The following BCLAF3 variants were observed in gnomAD, a reference collection of about 807,000 sequenced individuals.
BCLAF3 encodes transient octamer binding factor 1.
BCLAF3 carries 24 observed loss-of-function variants against 51.2 expected under a neutral mutation model. The ratio of observed to expected loss-of-function variants is 0.47; its 90% CI spans 0.34 to 0.66. The LOEUF (loss-of-function observed/expected upper bound fraction) is 0.66, where lower values mean the gene tolerates loss of function less well. Ranked by LOEUF, BCLAF3 falls within the 30% of genes least tolerant of loss-of-function variation. The probability of loss-of-function intolerance (pLI) is 0.01; values close to 1 mark genes in which losing one functional copy is unlikely to be tolerated. For synonymous variants in BCLAF3, 152 were observed against 176.6 expected, an observed-to-expected ratio of 0.86 and a Z score of 1.10; for missense variants, 465 against 525.1, an observed-to-expected ratio of 0.89 and a Z score of 1.12.
At chrX:19,977,050 C>T (rs2072448348) in intron 1 of BCLAF3, among the ~76,000 whole-genome samples, 2 of 111,422 alleles carry the variant, frequency 1.8e-5, no homozygotes, top group South Asian at 7.5e-4. Context: ...TGAACCATGC[C>T]CTTATAAGAT....
At chrX:19,978,126 T>C (rs1468521888) in intron 1 of BCLAF3, among the ~76,000 whole-genome samples, 1 of 112,439 alleles carries the variant, frequency 8.9e-6, no homozygotes, top group Non-Finnish European at 1.9e-5. Flanking sequence ...TTTTTGTGCC[T>C]GCTAACACAG....
intron 11 of BCLAF3, among the ~76,000 whole-genome samples, chrX:19,923,846 T>A (rs768333407): frequency 1.1e-4 from 7 of 65,547 alleles, no homozygotes; most frequent in Admixed American, 1.4e-4. Flanking sequence ...TATTTATTTA[T>A]TTTTTTTTTT....
intron 4 of BCLAF3, among the ~76,000 whole-genome samples, chrX:19,959,201 C>T (rs1310628551): frequency 8.9e-6 from 1 of 112,040 alleles, no homozygotes; most frequent in Admixed American, 9.5e-5. Context: ...TCTGCATACA[C>T]CAGCCTTTGA....
At chrX:19,927,896 T>A (rs941636790) in intron 11 of BCLAF3, among the ~76,000 whole-genome samples, 2 of 107,823 alleles carry the variant, frequency 1.9e-5, no homozygotes, top group African/African-American at 3.4e-5. Context: ...TTTTTTTTTT[T>A]AATAGGTCTC....
chrX:19,973,003 G>T (rs1029936287), intron 1 of BCLAF3, among the ~76,000 whole-genome samples: 2 of 111,957 alleles, frequency 1.8e-5, no homozygotes, highest in Non-Finnish European at 3.8e-5. Flanking sequence ...CCTAGAAGTG[G>T]AATTACTGGG....
At chrX:19,982,579 A>G (rs867402191) in intron 1 of BCLAF3, among the ~76,000 whole-genome samples, 2 of 94,160 alleles carry the variant, frequency 2.1e-5, no homozygotes, top group African/African-American at 1.1e-4. Flanking sequence ...ACACACACAC[A>G]CACACGCACA....
intron 11 of BCLAF3, among the ~76,000 whole-genome samples, chrX:19,920,677 C>T (rs1040397985): frequency 5.5e-5 from 6 of 109,903 alleles, no homozygotes; most frequent in African/African-American, 2.0e-4. Context: ...AAAAATTAGC[C>T]GGATGTGGTG....
At chrX:19,963,885 T>C (rs2147948108) in intron 4 of BCLAF3, among the ~76,000 whole-genome samples, 1 of 110,441 alleles carries the variant, frequency 9.1e-6, no homozygotes, top group South Asian at 3.9e-4. Flanking sequence ...CATGGTGGCA[T>C]GCACCTATAG....
intron 2 of BCLAF3, among the ~76,000 whole-genome samples, chrX:19,967,415 G>A (rs1188898216): frequency 9.0e-6 from 1 of 111,692 alleles, no homozygotes. Flanking sequence ...TAACTTCGGT[G>A]AAGTTATACT....
chrX:19,945,922 C>T (rs1386972252), intron 8 of BCLAF3, among the ~76,000 whole-genome samples: 3 of 107,631 alleles, frequency 2.8e-5, no homozygotes, highest in African/African-American at 7.0e-5. Flanking sequence ...TAGCAATCAG[C>T]GAGATTCCGT....
intron 8 of BCLAF3, among the ~76,000 whole-genome samples, chrX:19,940,005 T>C (rs2147808554): frequency 8.9e-6 from 1 of 112,201 alleles, no homozygotes; most frequent in South Asian, 3.6e-4. Context: ...AAGTAGATAG[T>C]GGTGGTGATT....
intron 11 of BCLAF3, among the ~76,000 whole-genome samples, chrX:19,928,349 G>A (rs201628421): frequency 9.1e-6 from 1 of 109,993 alleles, no homozygotes; most frequent in Non-Finnish European, 1.9e-5. Flanking sequence ...TTGGGAGGCC[G>A]AGGAGGGTGG....
At chrX:19,987,123 T>C (rs1180718347) in intron 1 of BCLAF3, among the ~76,000 whole-genome samples, 1 of 110,641 alleles carries the variant, frequency 9.0e-6, no homozygotes, top group Non-Finnish European at 1.9e-5. Context: ...TTATTCTTAA[T>C]AAGGAGGGAC....
chrX:19,970,806 C>T (rs2072231851), intron 1 of BCLAF3, among the ~76,000 whole-genome samples: 1 of 111,454 alleles, frequency 9.0e-6, no homozygotes, highest in Non-Finnish European at 1.9e-5. Context: ...GTGGGTCATA[C>T]AAAAATAGGC....
At chrX:19,977,016 C>T (rs1221498323) in intron 1 of BCLAF3, among the ~76,000 whole-genome samples, 2 of 111,455 alleles carry the variant, frequency 1.8e-5, no homozygotes, top group African/African-American at 3.3e-5. Flanking sequence ...ATCTTTGATG[C>T]TACTATTGTA....
At chrX:19,960,669 G>GTACACTTATGTGA (rs1242564861) in intron 4 of BCLAF3, among the ~76,000 whole-genome samples, 1 of 111,294 alleles carries the variant, frequency 9.0e-6, no homozygotes, top group Non-Finnish European at 1.9e-5. Context: ...TCCATCATAG[G>GTACACTTATGTGA]TACACTTATG....
At chrX:19,986,940 C>CTA (rs1569511389) in intron 1 of BCLAF3, among the ~76,000 whole-genome samples, 1 of 109,274 alleles carries the variant, frequency 9.2e-6, no homozygotes, top group African/African-American at 3.3e-5. Context: ...GTAGCTGGGA[C>CTA]TATAGGTGCA....
At position 19,929,916 on chromosome X, in the gene BCLAF3, G is replaced by C; in HGVS notation, c.1975C>G (p.Gln659Glu). 8.3e-7 allele frequency: 1 copy of C among 1,206,301 alleles called. No homozygotes were observed. Among genetic ancestry groups the C allele is most frequent in the Non-Finnish European group, 1.1e-6 (1 of 893,579 alleles). ...FKSNFRGGRC[Q>E]PNYKSGLVQK... The stretch of plus-strand genomic sequence containing the variant: ...ACCAGGCCTGATTTATAATTGGGCT[G>C]GCATCTGCCACCTCTAAAGTTGCTC... Residue 659 changes from glutamine to glutamate, a missense_variant, in exon 11 of 12, where the codon CAG becomes GAG. Physicochemically the swap from Gln to Glu is conservative, Grantham distance 29. Coordinates refer to ENST00000379682, the MANE Select transcript of BCLAF3 (RefSeq NM_001367774.2).
At chrX:19,919,505 C>T (rs1305619508) in intron 11 of BCLAF3, among the ~76,000 whole-genome samples, 1 of 109,808 alleles carries the variant, frequency 9.1e-6, no homozygotes, top group African/African-American at 3.3e-5. Context: ...TGAGATCGTG[C>T]CATTGCACTC....
Sources: allele counts gnomAD v4.1 joint callset (sites outside exome capture counted in the v4.1 genomes callset), GRCh38; gene constraint gnomAD v4.1.1; transcripts MANE v1.5; gene names NCBI Gene and HGNC (gene_info 2026-07-23, HGNC 2026-07-21).